UGGT2: variants seen among roughly 807,000 people sequenced by gnomAD.
UGGT2 encodes the protein UDP-glucose glycoprotein glucosyltransferase 2, also known as UDP-glucose:glycoprotein glucosyltransferase 2.
In UGGT2, 180 loss-of-function variants were observed where a neutral mutation model predicts 192.1. The observed-to-expected ratio is 0.94, with a 90% CI of 0.83 to 1.06. UGGT2 has a LOEUF of 1.06. UGGT2 is among the 50% of genes least tolerant of loss of function. UGGT2 has a pLI of 0.00. For missense variants in UGGT2, 1,849 were observed against 1,795.7 expected, an observed-to-expected ratio of 1.03 and a Z score of -0.54; for synonymous variants, 580 against 591.0, an observed-to-expected ratio of 0.98 and a Z score of 0.27.
chr13:96,041,375 T>C (rs1000724878), intron 1 of UGGT2, among the ~76,000 whole-genome samples: 2 of 152,150 alleles, frequency 1.3e-5, no homozygotes, highest in African/African-American at 2.4e-5. Context: ...AAGCTATTTC[T>C]GCCTTGCCTC....
At chr13:95,886,739 T>C (rs2047656725) in intron 26 of UGGT2, among the ~76,000 whole-genome samples, 2 of 152,168 alleles carry the variant, frequency 1.3e-5, no homozygotes, top group South Asian at 2.1e-4. Flanking sequence ...TTAAAAATAC[T>C]TAGGTTTAAA....
At chr13:95,940,187 T>TA in intron 15 of UGGT2, 96 bp from the exon 16 acceptor site, 1 of 941,580 alleles carries the variant, frequency 1.1e-6, no homozygotes, top group Non-Finnish European at 1.5e-6. Context: ...TTTTGTAAGT[T>TA]CAAAATATAC....
intron 31 of UGGT2, chr13:95,863,333 CCTGT>C: frequency 4.3e-6 from 1 of 235,234 alleles, no homozygotes; most frequent in East Asian, 8.6e-5. Flanking sequence ...CTTTTGAAAT[CCTGT>C]CTGTCCTTTA....
intron 12 of UGGT2, among the ~76,000 whole-genome samples, chr13:95,964,542 A>C (rs112657802): frequency 0.011 from 1,672 of 152,262 alleles, 32 homozygotes; most frequent in African/African-American, 0.038. Flanking sequence ...GGGAGAAAAT[A>C]TTTGCAAACT....
chr13:95,864,065 T>G (rs1442744818), intron 30 of UGGT2, among the ~76,000 whole-genome samples: 1 of 152,210 alleles, frequency 6.6e-6, no homozygotes, highest in Non-Finnish European at 1.5e-5. Flanking sequence ...TCACTTATCG[T>G]TATCCCTTCC....
At chr13:95,906,322 T>C (rs2048290056) in intron 20 of UGGT2, among the ~76,000 whole-genome samples, 2 of 152,154 alleles carry the variant, frequency 1.3e-5, no homozygotes, top group East Asian at 1.9e-4. Context: ...CCTTAAACTA[T>C]ATAATTAATT....
chr13:95,941,136 A>G (rs973952190), intron 15 of UGGT2, among the ~76,000 whole-genome samples: 2 of 152,190 alleles, frequency 1.3e-5, no homozygotes, highest in African/African-American at 4.8e-5. Context: ...AGCTAGCATT[A>G]AGACATTCTG....
chr13:95,820,871 G>A (rs752106896), intron 38 of UGGT2, among the ~76,000 whole-genome samples: 1 of 151,684 alleles, frequency 6.6e-6, no homozygotes, highest in East Asian at 1.9e-4. Context: ...TTTCCATTCC[G>A]GAATTACTTC....
intron 7 of UGGT2, chr13:95,990,799 C>A (rs1348792393): frequency 5.9e-5 from 9 of 152,150 alleles, no homozygotes; most frequent in Admixed American, 5.9e-4. Context: ...CAGGTATACA[C>A]GTGTCATGGT....
intron 19 of UGGT2, among the ~76,000 whole-genome samples, chr13:95,926,360 C>G (rs988918035): frequency 9.9e-5 from 15 of 152,206 alleles, no homozygotes; most frequent in African/African-American, 3.1e-4. Flanking sequence ...ATAGTTCATT[C>G]CATCTGTTTA....
intron 1 of UGGT2, among the ~76,000 whole-genome samples, chr13:96,034,494 A>C (rs1162089279): frequency 6.6e-6 from 1 of 152,224 alleles, no homozygotes; most frequent in African/African-American, 2.4e-5. Flanking sequence ...GGCAGGACTG[A>C]AAGAGCTGTA....
rs761094637 is a variant in UGGT2 at position 95,801,775 on chromosome 13, T to A, written c.*15A>T. ...TCCTGTCATGCTTTCGCCTTCCTTC[T>A]CATATACACCAGTGCTAGAGTTCAT... On this transcript the variant is annotated 3_prime_UTR_variant, in exon 39 of 39. Coordinates refer to ENST00000376747, the MANE Select transcript of UGGT2 (RefSeq NM_020121.4). The A allele has an allele frequency of 6.2e-7, 1 of 1,611,220 alleles. No individual in the cohort carries two copies. Among genetic ancestry groups the A allele is most frequent in the African/African-American group, 1.3e-5 (1 of 74,820 alleles).
At chr13:95,976,031 T>C (rs1407824174) in intron 10 of UGGT2, among the ~76,000 whole-genome samples, 2 of 152,124 alleles carry the variant, frequency 1.3e-5, no homozygotes, top group East Asian at 3.9e-4. Flanking sequence ...AATCACCCTA[T>C]TATGCTAATG....
intron 20 of UGGT2, among the ~76,000 whole-genome samples, chr13:95,922,931 T>G (rs947693478): frequency 6.6e-6 from 1 of 152,242 alleles, no homozygotes; most frequent in African/African-American, 2.4e-5. Flanking sequence ...ATCAAGACTT[T>G]CAACACTGTG....
chr13:95,839,760 T>A, intron 36 of UGGT2, among the ~76,000 whole-genome samples: 1 of 152,172 alleles, frequency 6.6e-6, no homozygotes, highest in East Asian at 1.9e-4. Context: ...TAGGAGCGTA[T>A]CATGGTTCCA....
chr13:96,025,646 T>A (rs1487712645), intron 2 of UGGT2, among the ~76,000 whole-genome samples: 2 of 152,174 alleles, frequency 1.3e-5, no homozygotes, highest in African/African-American at 2.4e-5. Flanking sequence ...AAGAGTCTTA[T>A]GTTGTCCATC....
intron 11 of UGGT2, among the ~76,000 whole-genome samples, chr13:95,971,053 C>A (rs567060712): frequency 3.3e-5 from 5 of 152,122 alleles, no homozygotes; most frequent in Admixed American, 3.3e-4. Flanking sequence ...CTAATCCTAA[C>A]CCATGGAGGC....
At chr13:95,846,083 G>A (rs912469250) in intron 36 of UGGT2, among the ~76,000 whole-genome samples, 1 of 152,162 alleles carries the variant, frequency 6.6e-6, no homozygotes, top group African/African-American at 2.4e-5. Context: ...CGGCTGGGAG[G>A]TGGAGGTTGT....
At chr13:95,939,476 CTTT>C (rs35091779) in intron 16 of UGGT2, among the ~76,000 whole-genome samples, 23 of 109,128 alleles carry the variant, frequency 2.1e-4, no homozygotes, top group Middle Eastern at 5.1e-3. Context: ...GAGTTGTTGC[CTTT>C]TTTTTTTTTT....
Sources: gnomAD v4.1 joint callset for allele counts (sites outside exome capture counted in the v4.1 genomes callset) on GRCh38, gnomAD v4.1.1 for gene constraint, MANE v1.5 for transcripts, NCBI Gene and HGNC (gene_info 2026-07-23, HGNC 2026-07-21) for gene names.